The following TTYH2 variants were observed in gnomAD, a reference collection of about 807,000 sequenced individuals.
TTYH2 encodes the protein protein tweety homolog 2.
A neutral mutation model predicts 68.3 loss-of-function variants in TTYH2; 49 were observed. The ratio of observed to expected loss-of-function variants is 0.72; its 90% CI spans 0.57 to 0.91. The LOEUF is 0.91. Ranked by LOEUF, TTYH2 falls within the 40% of genes least tolerant of loss-of-function variation. The probability of loss-of-function intolerance (pLI) is 0.00; values close to 1 mark genes in which losing one functional copy is unlikely to be tolerated. For synonymous variants in TTYH2, 272 were observed against 300.8 expected, an observed-to-expected ratio of 0.90 and a Z score of 0.99; for missense variants, 631 against 700.4, an observed-to-expected ratio of 0.90 and a Z score of 1.12.
chr17:74,232,341 A>G lies in TTYH2; in HGVS notation c.414+1342A>G, dbSNP rs2050398333. Among the ~76,000 whole-genome samples, 1 of 152,150 alleles carries G rather than the reference A, an allele frequency of 6.6e-6. No individual in the cohort carries two copies. The highest frequency in any genetic ancestry group is 1.9e-4 in the East Asian group (1 of 5,176). ...TGGGAGGAGGCCCTGGCCTCCAGAAAGGGGCTGAGGGTGGCTACAAAACCA... is the reference window on the plus strand; with the variant it reads ...TGGGAGGAGGCCCTGGCCTCCAGAAGGGGGCTGAGGGTGGCTACAAAACCA... On this transcript the variant is annotated intron_variant, in intron 3 of 13. Coordinates refer to ENST00000269346, the MANE Select transcript of TTYH2 (RefSeq NM_032646.6). This position sits in a 1 kb window ranked among gnomAD's most constrained non-coding sequence, Gnocchi z 5.1.
chr17:74,239,069 GTGTACAAACTCA>G lies in TTYH2; in HGVS notation c.635+1558_635+1569del, dbSNP rs965632030. On this transcript the variant is annotated intron_variant, in intron 4 of 13. Coordinates refer to ENST00000269346, the MANE Select transcript of TTYH2 (RefSeq NM_032646.6). This position sits in a 1 kb window ranked among gnomAD's most constrained non-coding sequence, Gnocchi z 5.3. ...ACTGAGGGGCACCACCCTCACTTAGGTGTACAAACTCATGCCCGTGTCATCTGACCTCTGGGG... is the reference window on the plus strand; with the variant it reads ...ACTGAGGGGCACCACCCTCACTTAGGTGCCCGTGTCATCTGACCTCTGGGG... Among the ~76,000 whole-genome samples, 179 of 152,138 alleles carry G rather than the reference GTGTACAAACTCA, an allele frequency of 1.2e-3. 1 individual carries two copies. The highest frequency in any genetic ancestry group is 4.1e-3 in the African/African-American group (172 of 41,538).
At chr17:74,244,120 A>G (rs2050531601) in intron 6 of TTYH2, 71 bp downstream of exon 6, 2 of 1,461,780 alleles carry the variant, frequency 1.4e-6, no homozygotes, top group African/African-American at 1.4e-5. Context: ...GTCTCCAAGC[A>G]GGGCCAGCTT....
At chr17:74,244,855 A>AGTGTGTGTGTGTGTGTGTGTGT (rs58119512) in intron 6 of TTYH2, among the ~76,000 whole-genome samples, 28 of 149,816 alleles carry the variant, frequency 1.9e-4, no homozygotes, top group African/African-American at 6.8e-4. Flanking sequence ...GTGGAGGTGC[A>AGTGTGTGTGTGTGTGTGTGTGT]GTGTGTGTGT....
At position 74,230,937 on chromosome 17, in the gene TTYH2, G is replaced by C. The variant is rs760073007; in HGVS notation, c.352G>C (p.Ala118Pro). The C allele has an allele frequency of 5.6e-6, 9 of 1,614,072 alleles. No individual in the cohort carries two copies. The highest frequency in any genetic ancestry group is 7.6e-6 in the Non-Finnish European group (9 of 1,180,046). ...FYGNSETNDG[A>P]YQLMYSLDDA... is the part of the protein sequence containing the mutation. ...TGGAAACAGCGAGACCAACGATGGG[G>C]CGTACCAGCTGATGTACTCCTTGGA... The change falls in exon 3 of 14, where the codon GCG becomes CCG. Residue 118 changes from alanine to proline, a missense_variant. Transcript: ENST00000269346.
chr17:74,254,512 G>A (rs1026600192), intron 13 of TTYH2, among the ~76,000 whole-genome samples: 20 of 152,146 alleles, frequency 1.3e-4, no homozygotes, highest in African/African-American at 4.6e-4. Flanking sequence ...TCCTATTTCC[G>A]TGACAATCAG....
intron 10 of TTYH2, among the ~76,000 whole-genome samples, chr17:74,251,376 CAT>C (rs1170179915): frequency 4.9e-3 from 425 of 86,894 alleles, no homozygotes; most frequent in Middle Eastern, 0.028. Context: ...GTGGGGGGTG[CAT>C]GTGTGTGGGG....
At chr17:74,249,235 C>T in intron 7 of TTYH2, 109 bp from the exon 8 acceptor site, 3 of 1,567,284 alleles carry the variant, frequency 1.9e-6, no homozygotes, top group African/African-American at 2.7e-5. Flanking sequence ...GAAAGTGCCT[C>T]CCTTGGGAGC....
Position 74,213,722 on chromosome 17 carries a change from T to G in TTYH2, c.129+6T>G, listed in dbSNP as rs1267134055. The G allele has an allele frequency of 4.4e-6, 7 of 1,607,444 alleles. No homozygotes were observed. Among genetic ancestry groups the G allele is most frequent in the Non-Finnish European group, 5.9e-6 (7 of 1,177,086 alleles). ...GCGACGAGAGTTACCAGGAGGTAAG[T>G]TTACGCCGCCCCAGACCGCAGCCAC... On this transcript the variant is annotated splice_donor_region_variant and intron_variant, in intron 1 of 13. Transcript: ENST00000269346. This position sits in a 1 kb window ranked among gnomAD's most constrained non-coding sequence, Gnocchi z 6.1.
Position 74,230,850 on chromosome 17 carries a change from G to A in TTYH2, c.303-38G>A, listed in dbSNP as rs1218613111. 1.9e-6 allele frequency: 3 copies of A among 1,602,538 alleles called. No individual in the cohort carries two copies. In the East Asian group the frequency reaches 6.7e-5, roughly 36 times the overall value. On this transcript the variant is annotated intron_variant, in intron 2 of 13. Transcript: ENST00000269346. ...AATATAAGCAAACATTCTCCTCTGT[G>A]TATCACCTCTAACCTCTGTTTGGGA...
chr17:74,247,104 C>T (rs1239513132), intron 6 of TTYH2, among the ~76,000 whole-genome samples: 2 of 151,178 alleles, frequency 1.3e-5, no homozygotes, highest in African/African-American at 4.9e-5. Context: ...ATTGCTTGAA[C>T]CCGGGAGGTG....
chr17:74,233,637 G>A (rs1201826275), intron 3 of TTYH2, among the ~76,000 whole-genome samples: 1 of 152,074 alleles, frequency 6.6e-6, no homozygotes, highest in African/African-American at 2.4e-5. Context: ...CCACAGAGTG[G>A]GGTGGGCCCT....
At chr17:74,254,244 C>T (rs1024112353) in intron 13 of TTYH2, among the ~76,000 whole-genome samples, 10 of 152,100 alleles carry the variant, frequency 6.6e-5, no homozygotes, top group African/African-American at 2.4e-4. Flanking sequence ...GGCGCAATAT[C>T]GGCTTACTGC....
intron 2 of TTYH2, among the ~76,000 whole-genome samples, chr17:74,226,351 A>G (rs1336136728): frequency 1.3e-5 from 2 of 151,984 alleles, no homozygotes; most frequent in African/African-American, 4.8e-5. Context: ...ACCAGGAAAG[A>G]GTGTCCCACA....
At chr17:74,243,615 C>T in intron 5 of TTYH2, 146 bp downstream of exon 5, 2 of 763,276 alleles carry the variant, frequency 2.6e-6, no homozygotes, top group East Asian at 2.7e-5. Flanking sequence ...CAGCACTCAG[C>T]AGAGGAGACA....
chr17:74,219,660 C>G (rs2050257014), intron 1 of TTYH2, among the ~76,000 whole-genome samples: 1 of 152,276 alleles, frequency 6.6e-6, no homozygotes, highest in African/African-American at 2.4e-5. Flanking sequence ...TAAATTAATC[C>G]ATACAGTTCT....
chr17:74,237,252 GA>G (rs1484952203), intron 3 of TTYH2, 41 bp from the exon 4 acceptor site: 2 of 1,596,564 alleles, frequency 1.3e-6, no homozygotes, highest in Admixed American at 3.4e-5. Context: ...ATGAGAATCA[GA>G]AGCTCTACCT....
At chr17:74,234,875 G>T (rs1258578932) in intron 3 of TTYH2, among the ~76,000 whole-genome samples, 1 of 152,160 alleles carries the variant, frequency 6.6e-6, no homozygotes, top group African/African-American at 2.4e-5. Flanking sequence ...AGTGCCATTT[G>T]TATAAATGTT....
chr17:74,251,054 C>CTG (rs60781825), intron 10 of TTYH2, among the ~76,000 whole-genome samples: 1 of 151,178 alleles, frequency 6.6e-6, no homozygotes, highest in Non-Finnish European at 1.5e-5. Flanking sequence ...GTGCGTGTGT[C>CTG]TGTGTGTGTG....
intron 2 of TTYH2, among the ~76,000 whole-genome samples, chr17:74,224,998 C>CA (rs112895924): frequency 0.24 from 28,962 of 123,136 alleles, 3,066 homozygotes; most frequent in South Asian, 0.42. Context: ...GACTCCGTCT[C>CA]AAAAAAAAAA....
Sources: allele counts gnomAD v4.1 joint callset (sites outside exome capture counted in the v4.1 genomes callset), GRCh38; gene constraint gnomAD v4.1.1; non-coding constraint Gnocchi (gnomAD v3.1); transcripts MANE v1.5; gene names NCBI Gene and HGNC (gene_info 2026-07-23, HGNC 2026-07-21).